Variants in BTD observed in about 807,000 individuals in gnomAD.
The protein encoded by BTD is biotinidase, also known as biocytinase.
BTD carries 13 observed loss-of-function variants against 17.7 expected under a neutral mutation model. That is an observed-to-expected ratio of 0.74 (90% confidence interval 0.48 to 1.17). The LOEUF is 1.17. BTD is among the 50% of genes most tolerant of loss of function. The pLI is 0.00. For missense variants in BTD, 674 were observed against 650.4 expected (o/e 1.04, Z -0.39); for synonymous variants, 240 against 245.2 (o/e 0.98, Z 0.20).
intron 3 of BTD, chr3:15,694,876 C>T: frequency 6.8e-7 from 1 of 1,476,474 alleles, no homozygotes; most frequent in Non-Finnish European, 9.5e-7. Context: ...TCTCTCCCAC[C>T]CACCCAGTTC....
chr3:15,645,483 G>A lies in BTD; in HGVS notation c.1567G>A (p.Asp523Asn), dbSNP rs397514432. 2.5e-6 allele frequency: 4 copies of A among 1,605,546 alleles called. No individual in the cohort carries two copies. Among genetic ancestry groups the A allele is most frequent in the Non-Finnish European group, 3.4e-6 (4 of 1,179,978 alleles). ...AALYGRLYERD is the reference protein window; with the variant it reads ...AALYGRLYERN ...TCTCTATGGGCGCTTGTATGAGAGGGACTAGGAAAAGTGTGTGGTCTGTGG... is the reference window on the plus strand; with the variant it reads ...TCTCTATGGGCGCTTGTATGAGAGGAACTAGGAAAAGTGTGTGGTCTGTGG... The change falls in exon 4 of 4, where the codon GAC (aspartate) becomes AAC (asparagine). Residue 523 changes from aspartate (D) to asparagine (N), a missense_variant. By Grantham distance (23) the Asp-to-Asn change is conservative (BLOSUM62 1). Transcript: ENST00000643237.
intron 1 of BTD, among the ~76,000 whole-genome samples, chr3:15,623,834 C>T (rs1005662365): frequency 3.9e-5 from 6 of 152,246 alleles, no homozygotes; most frequent in African/African-American, 1.2e-4. Flanking sequence ...CCCCTTTGCC[C>T]TTCTGCCGTG....
At chr3:15,642,347 A>G (rs929038406) in intron 3 of BTD, 37 of 1,078,416 alleles carry the variant, frequency 3.4e-5, no homozygotes, top group African/African-American at 1.9e-4. Flanking sequence ...CATCTTCACC[A>G]CAGCCTGCAC....
intron 1 of BTD, among the ~76,000 whole-genome samples, chr3:15,616,212 A>C (rs1481062249): frequency 6.6e-6 from 1 of 152,208 alleles, no homozygotes; most frequent in African/African-American, 2.4e-5. Flanking sequence ...TTCATTTTGT[A>C]AGAAAATGCC....
intron 3 of BTD, among the ~76,000 whole-genome samples, chr3:15,689,403 T>A (rs1444259327): frequency 6.6e-6 from 1 of 152,188 alleles, no homozygotes; most frequent in South Asian, 2.1e-4. Flanking sequence ...TCTGCAGCCA[T>A]CATCAAAAGA....
At chr3:15,663,978 G>C (rs541469558) in intron 3 of BTD, among the ~76,000 whole-genome samples, 3 of 152,058 alleles carry the variant, frequency 2.0e-5, no homozygotes, top group African/African-American at 7.2e-5. Context: ...CTCAGCTCAC[G>C]GCAACCTCCA....
intron 3 of BTD, chr3:15,667,374 T>C (rs1267484262): frequency 1.3e-5 from 2 of 152,262 alleles, no homozygotes; most frequent in African/African-American, 4.8e-5. Context: ...AGGAGGTCAT[T>C]TGCTATTACC....
downstream of BTD, among the ~76,000 whole-genome samples, chr3:15,715,536 A>G (rs938520750): frequency 4.6e-5 from 7 of 152,202 alleles, no homozygotes; most frequent in African/African-American, 1.4e-4. Context: ...TTGACAAGTA[A>G]TTTTACAGAA....
chr3:15,719,738 G>A (rs1050741462), intron 4 of BTD, among the ~76,000 whole-genome samples: 2 of 151,756 alleles, frequency 1.3e-5, no homozygotes, highest in African/African-American at 4.8e-5. Context: ...TTTTTTGGTA[G>A]AGATAGAGGT....
At chr3:15,717,072 A>G (rs2073160776), downstream of BTD, among the ~76,000 whole-genome samples, 1 of 152,218 alleles carries the variant, frequency 6.6e-6, no homozygotes, top group Admixed American at 6.5e-5. Context: ...TAGATGAGGA[A>G]ATGTAGGCCC....
At chr3:15,686,330 A>G in intron 3 of BTD, 1 of 1,486,016 alleles carries the variant, frequency 6.7e-7, no homozygotes, top group Non-Finnish European at 9.2e-7. Flanking sequence ...AAATTTAAAC[A>G]TTTCAGTAAT....
At chr3:15,679,135 CTT>C (rs71809219) in intron 3 of BTD, among the ~76,000 whole-genome samples, 1 of 144,004 alleles carries the variant, frequency 6.9e-6, no homozygotes, top group Non-Finnish European at 1.5e-5. Flanking sequence ...TCATCATGCA[CTT>C]TTTTTTTTTT....
At chr3:15,601,973 G>A in intron 1 of BTD, 79 bp downstream of exon 1, 2 of 1,585,816 alleles carry the variant, frequency 1.3e-6, no homozygotes, top group Non-Finnish European at 1.7e-6. Context: ...GCGCCCAGTT[G>A]GACTTGGGGA....
At chr3:15,707,982 G>T in intron 3 of BTD, 1 of 1,612,494 alleles carries the variant, frequency 6.2e-7, no homozygotes, top group Non-Finnish European at 8.5e-7. Context: ...CTTTCATCAA[G>T]GTCATTCACA....
At chr3:15,715,951 A>G (rs1354848018), downstream of BTD, among the ~76,000 whole-genome samples, 7 of 151,776 alleles carry the variant, frequency 4.6e-5, no homozygotes, top group Admixed American at 4.6e-4. Flanking sequence ...GATATATCCT[A>G]ATTTTTAATG....
At position 15,645,297 on chromosome 3, in the gene BTD, A is replaced by G. The variant is rs1341471698; in HGVS notation, c.1381A>G (p.Ile461Val). 6.2e-7 allele frequency: 1 copy of G among 1,614,118 alleles called. No homozygotes were observed. The highest frequency in any genetic ancestry group is 2.2e-5 in the East Asian group (1 of 44,884). Residue 461 changes from isoleucine to valine, a missense_variant, in exon 4 of 4, where the codon ATA becomes GTA. Physicochemically the swap from Ile to Val is conservative, Grantham distance 29. Transcript: ENST00000643237. Reference sequence around the variant, plus strand: ...ACAGGAAATCACAGAGGCCACGGGGATATTTGAGTTTCACCTGTGGGGCAA... The same window carrying G: ...ACAGGAAATCACAGAGGCCACGGGGGTATTTGAGTTTCACCTGTGGGGCAA... ...CGQEITEATG[I>V]FEFHLWGNFS... is the part of the protein sequence containing the mutation.
At chr3:15,632,271 G>A (rs1286343239) in intron 1 of BTD, among the ~76,000 whole-genome samples, 1 of 152,166 alleles carries the variant, frequency 6.6e-6, no homozygotes, top group Non-Finnish European at 1.5e-5. Context: ...GTTATCCAGA[G>A]CACGAGCCCC....
intron 3 of BTD, chr3:15,678,445 A>C (rs2067188262): frequency 7.8e-7 from 1 of 1,286,050 alleles, no homozygotes; most frequent in Admixed American, 2.3e-5. Flanking sequence ...GCTGTTTTTA[A>C]GGGTTTACAT....
intron 3 of BTD, among the ~76,000 whole-genome samples, chr3:15,660,770 C>T (rs1237858554): frequency 6.6e-6 from 1 of 152,124 alleles, no homozygotes; most frequent in Non-Finnish European, 1.5e-5. Flanking sequence ...TGTTCTCTGC[C>T]TATTCCTTTC....
Sources: gnomAD v4.1 joint callset for allele counts (sites outside exome capture counted in the v4.1 genomes callset) on GRCh38, gnomAD v4.1.1 for gene constraint, MANE v1.5 for transcripts, NCBI Gene and HGNC (gene_info 2026-07-23, HGNC 2026-07-21) for gene names.